ARHGEF26: variants seen among roughly 807,000 people sequenced by gnomAD.
ARHGEF26 encodes the protein Rho guanine nucleotide exchange factor (GEF) 26.
In ARHGEF26, 59 loss-of-function variants were observed where a neutral mutation model predicts 89.4. The ratio of observed to expected loss-of-function variants is 0.66; its 90% CI spans 0.54 to 0.82. ARHGEF26 has a LOEUF of 0.82. Ranked by LOEUF, ARHGEF26 falls within the 40% of genes least tolerant of loss-of-function variation. The probability of loss-of-function intolerance (pLI) is 0.00; values close to 1 mark genes in which losing one functional copy is unlikely to be tolerated. For missense variants in ARHGEF26, 1,234 were observed against 1,085.6 expected, an observed-to-expected ratio of 1.14 and a Z score of -1.92; for synonymous variants, 500 against 428.4, an observed-to-expected ratio of 1.17 and a Z score of -2.06.
Position 154,256,108 on chromosome 3 carries a change from T to TA in ARHGEF26, c.*644dup, listed in dbSNP as rs908274652. On this transcript the variant is annotated 3_prime_UTR_variant, in exon 15 of 15. Transcript: ENST00000465093. ...GTAGAAAGCCTTACTTTAGGATTTT[T>TA]AAAAAAAAATCCATCTCACCCCATA... 248 of 976,230 alleles carry TA rather than the reference T, an allele frequency of 2.5e-4. No homozygotes were observed. Among genetic ancestry groups the TA allele is most frequent in the East Asian group, 8.0e-4 (7 of 8,744 alleles). 60.5% of individuals were successfully genotyped at this position (976,230 alleles called of 1,614,324 possible).
At chr3:154,194,082 C>A (rs1714131973) in intron 8 of ARHGEF26, among the ~76,000 whole-genome samples, 1 of 152,112 alleles carries the variant, frequency 6.6e-6, no homozygotes, top group Non-Finnish European at 1.5e-5. Context: ...CCTGCCTTGG[C>A]TTTCCAAAGT....
intron 6 of ARHGEF26, among the ~76,000 whole-genome samples, chr3:154,165,172 A>G (rs1711936415): frequency 6.6e-6 from 1 of 152,136 alleles, no homozygotes; most frequent in Non-Finnish European, 1.5e-5. Context: ...CCTAGGGGTC[A>G]CTGTATGCCT....
intron 4 of ARHGEF26, among the ~76,000 whole-genome samples, chr3:154,139,098 T>C (rs536941763): frequency 2.0e-5 from 3 of 152,034 alleles, no homozygotes; most frequent in Non-Finnish European, 4.4e-5. Flanking sequence ...TGGGGCACAG[T>C]TGGGGAGTGG....
intron 6 of ARHGEF26, among the ~76,000 whole-genome samples, chr3:154,179,379 T>C (rs1030320813): frequency 6.6e-6 from 1 of 152,190 alleles, no homozygotes; most frequent in African/African-American, 2.4e-5. Flanking sequence ...GATTGCCTAA[T>C]GAGAAGCTTT....
intron 6 of ARHGEF26, among the ~76,000 whole-genome samples, chr3:154,175,871 G>A (rs1056633298): frequency 6.6e-6 from 1 of 152,220 alleles, no homozygotes; most frequent in African/African-American, 2.4e-5. Flanking sequence ...TTAATGGAAA[G>A]ATGTATAAAC....
chr3:154,223,529 C>A (rs1290366140), intron 10 of ARHGEF26, among the ~76,000 whole-genome samples: 2 of 152,162 alleles, frequency 1.3e-5, no homozygotes, highest in African/African-American at 4.8e-5. Context: ...GAATAAAGTT[C>A]TTATACATGC....
intron 12 of ARHGEF26, among the ~76,000 whole-genome samples, chr3:154,242,019 GA>G (rs1398213655): frequency 6.6e-6 from 1 of 152,148 alleles, no homozygotes; most frequent in Admixed American, 6.6e-5. Flanking sequence ...AGAGACATAA[GA>G]AAAATGTGAA....
At chr3:154,185,185 ACT>A (rs1357164341) in intron 6 of ARHGEF26, among the ~76,000 whole-genome samples, 4 of 151,070 alleles carry the variant, frequency 2.6e-5, no homozygotes, top group Admixed American at 1.3e-4. Context: ...ATACCAACCG[ACT>A]CTCTAACCCT....
At position 154,124,447 on chromosome 3, in the gene ARHGEF26, A is replaced by G. The variant is rs761496674; in HGVS notation, c.1121A>G (p.Glu374Gly). ...AAAGGACAAGGAACATTTGATGGGG[A>G]AGGTAAGCATTTAATTTTCCAAACT... The part of the protein sequence containing the change: ...MLKGQGTFDG[E>G]ENAVLYQNYK... The change falls in exon 3 of 15, where the codon GAA becomes GGA. Residue 374 changes from glutamate to glycine, a missense_variant and splice_region_variant. By Grantham distance (98) the Glu-to-Gly change is moderately conservative. Coordinates refer to ENST00000465093, the MANE Select transcript of ARHGEF26 (RefSeq NM_015595.4). 5 of 1,534,886 alleles carry G rather than the reference A, an allele frequency of 3.3e-6. No homozygotes were observed. The highest frequency in any genetic ancestry group is 4.3e-6 in the Non-Finnish European group (5 of 1,149,580).
At chr3:154,184,811 G>C (rs1013600724) in intron 6 of ARHGEF26, among the ~76,000 whole-genome samples, 2 of 152,250 alleles carry the variant, frequency 1.3e-5, no homozygotes, top group African/African-American at 4.8e-5. Flanking sequence ...CACCTCCAGT[G>C]GTTTCTTATT....
At position 154,255,942 on chromosome 3, in the gene ARHGEF26, T is replaced by C. The variant is rs1267910845; in HGVS notation, c.*469T>C. 3.0e-6 allele frequency: 3 copies of C among 986,610 alleles called. No individual in the cohort carries two copies. The highest frequency in any genetic ancestry group is 3.6e-6 in the Non-Finnish European group (3 of 830,652). The allele number at this position is 986,610 out of a possible 1,614,324, so 61.1% of individuals were successfully genotyped here. A position where few individuals can be genotyped will look rare whatever the true frequency, so the allele number is the denominator to read the frequency against. Reference sequence around the variant, plus strand: ...TTCCCTGCCTTTTTTTTTCTTTTTTTACATCTGATTTTAATGCTTCGTTAA... The same window carrying C: ...TTCCCTGCCTTTTTTTTTCTTTTTTCACATCTGATTTTAATGCTTCGTTAA... On this transcript the variant is annotated 3_prime_UTR_variant, in exon 15 of 15. Transcript: ENST00000465093.
intron 6 of ARHGEF26, among the ~76,000 whole-genome samples, chr3:154,174,107 C>A (rs1712648003): frequency 6.6e-6 from 1 of 152,074 alleles, no homozygotes; most frequent in African/African-American, 2.4e-5. Flanking sequence ...AAATACCTGC[C>A]CTGGCAGCCA....
intron 13 of ARHGEF26, 126 bp from the exon 14 acceptor site, chr3:154,254,594 A>G: frequency 1.4e-6 from 1 of 694,018 alleles, no homozygotes. Context: ...TTTTTATTAG[A>G]AGCCCAACTT....
intron 9 of ARHGEF26, among the ~76,000 whole-genome samples, chr3:154,196,343 T>C (rs1274303378): frequency 6.6e-6 from 1 of 152,164 alleles, no homozygotes; most frequent in African/African-American, 2.4e-5. Context: ...ATAGAAGGTG[T>C]AGGTGTCACT....
At chr3:154,137,932 G>GCTC (rs1719116710) in intron 4 of ARHGEF26, among the ~76,000 whole-genome samples, 2 of 152,042 alleles carry the variant, frequency 1.3e-5, no homozygotes, top group East Asian at 3.9e-4. Context: ...AGATAATGCT[G>GCTC]CTCTCAATTT....
At chr3:154,211,193 C>G (rs762828268) in intron 9 of ARHGEF26, among the ~76,000 whole-genome samples, 14 of 152,058 alleles carry the variant, frequency 9.2e-5, no homozygotes, top group Non-Finnish European at 1.8e-4. Context: ...ATTCCATTGT[C>G]TCTGGGCCTA....
chr3:154,190,448 C>T (rs903859977), intron 7 of ARHGEF26, among the ~76,000 whole-genome samples: 1 of 152,184 alleles, frequency 6.6e-6, no homozygotes, highest in Non-Finnish European at 1.5e-5. Context: ...GCAGAGGCTG[C>T]AGTGAGCCGA....
At chr3:154,227,267 A>T (rs1314256964) in intron 11 of ARHGEF26, among the ~76,000 whole-genome samples, 2 of 151,586 alleles carry the variant, frequency 1.3e-5, no homozygotes, top group African/African-American at 4.9e-5. Context: ...GGAGTAGTCT[A>T]AATAGTTCTA....
At chr3:154,191,630 A>G (rs575287573) in intron 8 of ARHGEF26, among the ~76,000 whole-genome samples, 3 of 152,316 alleles carry the variant, frequency 2.0e-5, no homozygotes, top group African/African-American at 7.2e-5. Flanking sequence ...GGTCATTCTG[A>G]AGAAATTGGA....
Sources: gnomAD v4.1 joint callset for allele counts (sites outside exome capture counted in the v4.1 genomes callset) on GRCh38, gnomAD v4.1.1 for gene constraint, MANE v1.5 for transcripts, NCBI Gene and HGNC (gene_info 2026-07-23, HGNC 2026-07-21) for gene names.